Variants in ZNF536 observed in about 807,000 individuals in gnomAD.
The protein encoded by ZNF536 is zinc finger protein 536.
A neutral mutation model predicts 84.5 loss-of-function variants in ZNF536; 13 were observed. That is an observed-to-expected ratio of 0.15 (90% CI 0.10 to 0.24). ZNF536 has a LOEUF of 0.24. Among genes scored for constraint, ZNF536 ranks in the 10% least tolerant of loss-of-function variants. The probability of loss-of-function intolerance (pLI) is 1.00; values close to 1 mark genes in which losing one functional copy is unlikely to be tolerated. For synonymous variants in ZNF536, 811 were observed against 742.5 expected, an observed-to-expected ratio of 1.09 and a Z score of -1.50; for missense variants, 1,536 against 1,747.5, an observed-to-expected ratio of 0.88 and a Z score of 2.16.
chr19:30,452,402 A>G (rs1445366983), intron 2 of ZNF536, among the ~76,000 whole-genome samples: 3 of 152,200 alleles, frequency 2.0e-5, no homozygotes, highest in Admixed American at 1.3e-4. Context: ...CTTCCTCTAC[A>G]TCTCAGTGCA....
At chr19:30,279,439 C>T (rs1414039381) in intron 1 of ZNF536, among the ~76,000 whole-genome samples, 1 of 152,184 alleles carries the variant, frequency 6.6e-6, no homozygotes, top group Non-Finnish European at 1.5e-5. Context: ...TGTTGGAAAT[C>T]TGTAGCAACA....
intron 2 of ZNF536, among the ~76,000 whole-genome samples, chr19:30,533,632 A>G (rs949537162): frequency 1.3e-5 from 2 of 152,244 alleles, no homozygotes; most frequent in African/African-American, 2.4e-5. Context: ...GAGGAATAAA[A>G]GCAGTTTGCA....
At chr19:30,590,740 C>G (rs112875514) in intron 1 of ZNF536, among the ~76,000 whole-genome samples, 2 of 152,284 alleles carry the variant, frequency 1.3e-5, no homozygotes, top group African/African-American at 4.8e-5. Flanking sequence ...GGGCCAGTTC[C>G]TCCAGCTGCA....
intron 1 of ZNF536, among the ~76,000 whole-genome samples, chr19:30,596,875 C>T (rs2047484231): frequency 6.6e-6 from 1 of 151,538 alleles, no homozygotes; most frequent in Non-Finnish European, 1.5e-5. Flanking sequence ...AAAAAAAGTC[C>T]TTCCTGCGAA....
intron 1 of ZNF536, among the ~76,000 whole-genome samples, chr19:30,397,836 T>C (rs1197899403): frequency 6.6e-6 from 1 of 151,910 alleles, no homozygotes; most frequent in Non-Finnish European, 1.5e-5. Flanking sequence ...TAAATAGGCA[T>C]GAGAGAGATA....
chr19:30,692,809 A>G (rs1477412743), intron 1 of ZNF536, among the ~76,000 whole-genome samples: 1 of 152,224 alleles, frequency 6.6e-6, no homozygotes, highest in African/African-American at 2.4e-5. Context: ...GCACGCCCAC[A>G]GCGCTTACTT....
chr19:30,539,058 G>A (rs577636986), intron 3 of ZNF536, among the ~76,000 whole-genome samples: 1 of 150,228 alleles, frequency 6.7e-6, no homozygotes, highest in East Asian at 2.0e-4. Context: ...AGGAAAGAAA[G>A]GAAAGAAAAG....
intron 1 of ZNF536, among the ~76,000 whole-genome samples, chr19:30,692,879 A>G (rs1159399697): frequency 6.6e-6 from 1 of 152,178 alleles, no homozygotes; most frequent in Admixed American, 6.5e-5. Flanking sequence ...GAAGTGTTTT[A>G]TTAAATGAAG....
intron 1 of ZNF536, among the ~76,000 whole-genome samples, chr19:30,435,943 A>G (rs1489273147): frequency 6.6e-6 from 1 of 152,142 alleles, no homozygotes; most frequent in African/African-American, 2.4e-5. Context: ...TTTTCACCAA[A>G]CCCAAACCAA....
At chr19:30,639,588 C>T (rs555026125) in intron 1 of ZNF536, among the ~76,000 whole-genome samples, 6 of 152,258 alleles carry the variant, frequency 3.9e-5, no homozygotes, top group African/African-American at 1.4e-4. Flanking sequence ...ATTAGGCTTG[C>T]GGAAGATCAC....
intron 1 of ZNF536, among the ~76,000 whole-genome samples, chr19:30,668,139 A>T (rs529484415): frequency 6.6e-5 from 10 of 152,242 alleles, no homozygotes; most frequent in South Asian, 2.1e-4. Flanking sequence ...TAGAAAAAAA[A>T]TTTTTAGTTC....
intron 1 of ZNF536, among the ~76,000 whole-genome samples, chr19:30,631,079 G>C (rs1383812855): frequency 6.6e-6 from 1 of 152,172 alleles, no homozygotes; most frequent in Non-Finnish European, 1.5e-5. Context: ...AGGGCTCCTG[G>C]AGCGGAGGCT....
intron 1 of ZNF536, among the ~76,000 whole-genome samples, chr19:30,281,443 C>T (rs12982432): frequency 0.41 from 61,645 of 152,078 alleles, 13,423 homozygotes; most frequent in Non-Finnish European, 0.48. Context: ...TGACTCAACT[C>T]TGCCCCTCTC....
chr19:30,547,649 G>C (rs1185196191), intron 3 of ZNF536, among the ~76,000 whole-genome samples: 1 of 151,938 alleles, frequency 6.6e-6, no homozygotes, highest in Non-Finnish European at 1.5e-5. Context: ...AAATTATTAT[G>C]CTTAATTTTC....
chr19:30,605,167 T>G (rs2047825763), intron 1 of ZNF536, among the ~76,000 whole-genome samples: 1 of 152,108 alleles, frequency 6.6e-6, no homozygotes, highest in East Asian at 1.9e-4. Context: ...TGCGAAATGC[T>G]TTTTTTGTTT....
At chr19:30,587,499 C>T (rs1271260067) in intron 1 of ZNF536, among the ~76,000 whole-genome samples, 5 of 152,122 alleles carry the variant, frequency 3.3e-5, no homozygotes, top group African/African-American at 9.6e-5. Context: ...CCCGGGGGTG[C>T]CTGGTTTTGC....
chr19:30,597,620 T>C (rs923563366), intron 1 of ZNF536, among the ~76,000 whole-genome samples: 1 of 152,218 alleles, frequency 6.6e-6, no homozygotes, highest in Non-Finnish European at 1.5e-5. Flanking sequence ...ATTTGCTTGC[T>C]GTCTTGGTTT....
At chr19:30,234,392 C>A (rs1599826839) in intron 1 of ZNF536, among the ~76,000 whole-genome samples, 1 of 135,310 alleles carries the variant, frequency 7.4e-6, no homozygotes, top group Admixed American at 8.6e-5. Flanking sequence ...CCACTAGGCT[C>A]CTTCCTTTTT....
At chr19:30,426,517 G>T (rs2147918682) in intron 1 of ZNF536, among the ~76,000 whole-genome samples, 1 of 152,314 alleles carries the variant, frequency 6.6e-6, no homozygotes, top group South Asian at 2.1e-4. Flanking sequence ...TACCCTGAAG[G>T]TCCTTGGTCC....
Sources: allele counts gnomAD v4.1 joint callset (sites outside exome capture counted in the v4.1 genomes callset), GRCh38; gene constraint gnomAD v4.1.1; transcripts MANE v1.5; gene names NCBI Gene and HGNC (gene_info 2026-07-23, HGNC 2026-07-21).